The following KIF6 variants were observed in gnomAD, a reference collection of about 807,000 sequenced individuals.
KIF6 encodes kinesin-like protein KIF6.
A neutral mutation model predicts 112.7 loss-of-function variants in KIF6; 106 were observed. The ratio of observed to expected loss-of-function variants is 0.94; its 90% CI spans 0.80 to 1.11. The LOEUF (loss-of-function observed/expected upper bound fraction) is 1.11. Among genes scored for constraint, KIF6 ranks in the 50% least tolerant of loss-of-function variants. The probability of loss-of-function intolerance (pLI) is 0.00; values close to 1 mark genes in which losing one functional copy is unlikely to be tolerated. For missense variants in KIF6, 929 were observed against 964.0 expected (o/e 0.96, Z 0.48); for synonymous variants, 339 against 339.9 (o/e 1.00, Z 0.03).
chr6:39,362,665 G>A, intron 16 of KIF6, 147 bp from the exon 17 acceptor site: 1 of 668,334 alleles, frequency 1.5e-6, no homozygotes, highest in Non-Finnish European at 2.7e-6. Context: ...GGCAACCTCT[G>A]CTCAGCTGAA....
chr6:39,509,259 C>T (rs1297917969), intron 13 of KIF6, among the ~76,000 whole-genome samples: 1 of 152,122 alleles, frequency 6.6e-6, no homozygotes, highest in Non-Finnish European at 1.5e-5. Flanking sequence ...TAGATAAAAC[C>T]ACAAAGATGG....
At position 39,372,687 on chromosome 6, in the gene KIF6, T is replaced by A. The variant is rs149702377; in HGVS notation, c.1862-10169A>T. ...AATAGTTTGCTGCAGTTTCATTTTTTAATTTTAAATAGAATATTACGGAAT... is the reference window on the plus strand; with the variant it reads ...AATAGTTTGCTGCAGTTTCATTTTTAAATTTTAAATAGAATATTACGGAAT... On this transcript the variant is annotated intron_variant, in intron 16 of 22. Coordinates refer to ENST00000287152, the MANE Select transcript of KIF6 (RefSeq NM_145027.6). Among the ~76,000 whole-genome samples, 575 of 152,336 alleles carry A rather than the reference T, an allele frequency of 3.8e-3. 4 individuals are homozygous for A. The highest frequency in any genetic ancestry group is 0.013 in the African/African-American group (549 of 41,582).
chr6:39,635,019 G>A, intron 4 of KIF6, 61 bp from the exon 5 acceptor site: 1 of 892,848 alleles, frequency 1.1e-6, no homozygotes, highest in Non-Finnish European at 1.9e-6. Flanking sequence ...CTTAGATGAA[G>A]ATGAACACAT....
intron 13 of KIF6, among the ~76,000 whole-genome samples, chr6:39,535,150 T>A (rs1354136696): frequency 6.6e-6 from 1 of 152,060 alleles, no homozygotes; most frequent in African/African-American, 2.4e-5. Flanking sequence ...AGAAACCACA[T>A]CAACTAAGGA....
chr6:39,491,802 A>T (rs1775497439), intron 13 of KIF6, among the ~76,000 whole-genome samples: 1 of 152,202 alleles, frequency 6.6e-6, no homozygotes. Flanking sequence ...GAAGTTCAGC[A>T]AAATTGTCAC....
intron 13 of KIF6, among the ~76,000 whole-genome samples, chr6:39,519,064 T>A (rs185409388): frequency 6.6e-6 from 1 of 152,318 alleles, no homozygotes; most frequent in African/African-American, 2.4e-5. Context: ...ATACTAGGTG[T>A]GGCTGCATTG....
intron 9 of KIF6, among the ~76,000 whole-genome samples, chr6:39,582,535 C>T (rs537091095): frequency 6.6e-4 from 101 of 152,196 alleles, no homozygotes; most frequent in Middle Eastern, 3.4e-3. Context: ...CCTCAGCCTC[C>T]GGAGTAGCTG....
intron 14 of KIF6, among the ~76,000 whole-genome samples, chr6:39,430,276 T>C (rs1489161538): frequency 6.6e-6 from 1 of 152,182 alleles, no homozygotes; most frequent in Admixed American, 6.5e-5. Context: ...TCCTGAGAGC[T>C]CATCTACTTC....
chr6:39,639,261 T>C (rs575498415), intron 4 of KIF6, among the ~76,000 whole-genome samples: 42 of 152,192 alleles, frequency 2.8e-4, no homozygotes, highest in African/African-American at 1.0e-3. Context: ...TTTCAGTAGC[T>C]AAAAGAAAGA....
chr6:39,650,308 C>T (rs967286371), intron 3 of KIF6, among the ~76,000 whole-genome samples: 5 of 151,958 alleles, frequency 3.3e-5, no homozygotes, highest in South Asian at 2.1e-4. Flanking sequence ...CTGAAGAAAC[C>T]GTTTTGTGTT....
At chr6:39,432,426 G>A (rs1771229412) in intron 13 of KIF6, among the ~76,000 whole-genome samples, 1 of 152,102 alleles carries the variant, frequency 6.6e-6, no homozygotes, top group African/African-American at 2.4e-5. Context: ...CTCTTGCCTG[G>A]AAAAAACTCT....
intron 5 of KIF6, among the ~76,000 whole-genome samples, chr6:39,629,113 T>C (rs1180840317): frequency 6.6e-6 from 1 of 152,314 alleles, no homozygotes; most frequent in East Asian, 1.9e-4. Flanking sequence ...TTAGCAATTA[T>C]GAATAAGACT....
intron 13 of KIF6, among the ~76,000 whole-genome samples, chr6:39,538,235 G>C (rs558696765): frequency 6.6e-6 from 1 of 151,354 alleles, no homozygotes; most frequent in Non-Finnish European, 1.5e-5. Flanking sequence ...TTAAACTAAA[G>C]AGCTTCTGCA....
chr6:39,337,267 C>CCTCCCTCT (rs1763081419), intron 22 of KIF6, among the ~76,000 whole-genome samples: 1 of 116,732 alleles, frequency 8.6e-6, no homozygotes, highest in South Asian at 3.0e-4. Flanking sequence ...TCCCTCCCTC[C>CCTCCCTCT]AGCCTCCCCT....
At chr6:39,337,981 T>C (rs963207455) in intron 22 of KIF6, among the ~76,000 whole-genome samples, 1 of 152,198 alleles carries the variant, frequency 6.6e-6, no homozygotes, top group Admixed American at 6.5e-5. Context: ...AGGCAGAGTC[T>C]AAGACATGGT....
chr6:39,578,193 C>T (rs112001023), intron 9 of KIF6, 34 bp from the exon 10 acceptor site: 41 of 1,382,612 alleles, frequency 3.0e-5, no homozygotes, highest in African/African-American at 2.4e-4. Flanking sequence ...AAAATGTCAA[C>T]TTCTCATTAA....
At chr6:39,336,583 T>C in intron 22 of KIF6, 35 bp from the exon 23 acceptor site, 2 of 1,610,824 alleles carry the variant, frequency 1.2e-6, no homozygotes, top group Non-Finnish European at 1.7e-6. Context: ...GGTTAGGCTG[T>C]GCATGCAGAC....
At position 39,586,233 on chromosome 6, in the gene KIF6, A is replaced by C. The variant is rs764842225; in HGVS notation, c.990+28T>G. ...GTGCTAGCAGTAAAAACCTAGATTAAGATCTCCAGAAAGAAGAGCCCACAT... is the reference window on the plus strand; with the variant it reads ...GTGCTAGCAGTAAAAACCTAGATTACGATCTCCAGAAAGAAGAGCCCACAT... On this transcript the variant is annotated intron_variant, in intron 8 of 22. Transcript: ENST00000287152. 1.9e-6 allele frequency: 3 copies of C among 1,612,670 alleles called. No individual in the cohort carries two copies. In the East Asian group the frequency reaches 6.7e-5, roughly 36 times the overall value.
At chr6:39,477,940 C>T (rs554458801) in intron 13 of KIF6, among the ~76,000 whole-genome samples, 1 of 152,086 alleles carries the variant, frequency 6.6e-6, no homozygotes, top group East Asian at 1.9e-4. Context: ...ATGGGATATA[C>T]ATATATAGAA....
Sources: gnomAD v4.1 joint callset for allele counts (sites outside exome capture counted in the v4.1 genomes callset) on GRCh38, gnomAD v4.1.1 for gene constraint, MANE v1.5 for transcripts, NCBI Gene and HGNC (gene_info 2026-07-23, HGNC 2026-07-21) for gene names.